Variants in THSD7B observed in about 807,000 individuals in gnomAD.
THSD7B encodes thrombospondin type-1 domain-containing protein 7B.
A neutral mutation model predicts 213.6 loss-of-function variants in THSD7B; 138 were observed. That is an observed-to-expected ratio of 0.65 (90% CI 0.56 to 0.74). THSD7B has a LOEUF of 0.74. Among genes scored for constraint, THSD7B ranks in the 30% least tolerant of loss-of-function variants. The probability of loss-of-function intolerance (pLI) is 0.00; values close to 1 mark genes in which losing one functional copy is unlikely to be tolerated. For missense variants in THSD7B, 1,931 were observed against 1,991.5 expected (o/e 0.97, Z 0.58); for synonymous variants, 742 against 687.0 (o/e 1.08, Z -1.25).
rs528345387 is a variant in THSD7B, at chr2:137,417,851, A to C, written c.2959+5979A>C. Among the ~76,000 whole-genome samples the C allele has an allele frequency of 2.0e-5, 3 of 152,334 alleles. No individual in the cohort carries two copies. The South Asian group carries it at 6.2e-4, about 32-fold the overall frequency. On this transcript the variant is annotated intron_variant, in intron 14 of 27. Coordinates refer to ENST00000409968, the MANE Select transcript of THSD7B (RefSeq NM_001316349.2). ...AAGTCCAGTTCATGGAAGGGACTGA[A>C]TAATTATATTATATCCTCTCTCCCA... is the stretch of plus-strand genomic sequence containing the variant.
intron 7 of THSD7B, among the ~76,000 whole-genome samples, chr2:137,191,830 TTGGTG>T (rs1283818533): frequency 6.6e-6 from 1 of 152,174 alleles, no homozygotes; most frequent in East Asian, 1.9e-4. Context: ...ACCTGTCACT[TTGGTG>T]TGAGCATTTT....
intron 9 of THSD7B, among the ~76,000 whole-genome samples, chr2:137,240,030 T>C (rs952549413): frequency 2.0e-5 from 3 of 152,194 alleles, no homozygotes; most frequent in African/African-American, 7.2e-5. Flanking sequence ...CATGATCTAA[T>C]TATCTCCTAA....
intron 1 of THSD7B, among the ~76,000 whole-genome samples, chr2:136,769,911 C>T (rs999464478): frequency 9.2e-5 from 14 of 152,164 alleles, no homozygotes; most frequent in Non-Finnish European, 1.6e-4. Context: ...TTGATTTTGC[C>T]TTTCTGGGCA....
At chr2:137,155,320 A>G (rs1679892029) in intron 5 of THSD7B, among the ~76,000 whole-genome samples, 1 of 152,182 alleles carries the variant, frequency 6.6e-6, no homozygotes, top group African/African-American at 2.4e-5. Context: ...AGAAGGCTCC[A>G]AGGTGACATG....
chr2:137,518,312 A>G (rs1176121522), intron 15 of THSD7B, among the ~76,000 whole-genome samples: 1 of 152,186 alleles, frequency 6.6e-6, no homozygotes, highest in Non-Finnish European at 1.5e-5. Flanking sequence ...GCCCCTTTCC[A>G]GGACATCCCT....
chr2:137,350,382 G>A lies in THSD7B; in HGVS notation c.2501-55231G>A, dbSNP rs7567508. On this transcript the variant is annotated intron_variant, in intron 12 of 27. Coordinates refer to ENST00000409968, the MANE Select transcript of THSD7B (RefSeq NM_001316349.2). ...TAAAAGTAATGCTATGTGTAAATCCGTGTGTAAGGAAGATGTTAAGTGCAA... is the reference window on the plus strand; with the variant it reads ...TAAAAGTAATGCTATGTGTAAATCCATGTGTAAGGAAGATGTTAAGTGCAA... Among the ~76,000 whole-genome samples the A allele has an allele frequency of 9.8e-3, 1,484 of 151,826 alleles. 25 individuals are homozygous for A. The highest frequency in any genetic ancestry group is 0.034 in the African/African-American group (1,403 of 41,454).
At chr2:137,662,345 A>AGTGCTG (rs1683366945) in intron 25 of THSD7B, among the ~76,000 whole-genome samples, 1 of 150,728 alleles carries the variant, frequency 6.6e-6, no homozygotes, top group African/African-American at 2.4e-5. Context: ...GGCCTCCCAA[A>AGTGCTG]GTGCTGGGAT....
chr2:137,088,255 A>T (rs1017701176), intron 3 of THSD7B, among the ~76,000 whole-genome samples: 14 of 152,028 alleles, frequency 9.2e-5, no homozygotes, highest in African/African-American at 1.4e-4. Context: ...AATAAAAAAA[A>T]AATAAAATTA....
chr2:136,772,057 A>G (rs1573631281), intron 1 of THSD7B, among the ~76,000 whole-genome samples: 1 of 152,092 alleles, frequency 6.6e-6, no homozygotes, highest in Non-Finnish European at 1.5e-5. Flanking sequence ...TGTAATAGGA[A>G]ACAATCTGAG....
intron 10 of THSD7B, among the ~76,000 whole-genome samples, chr2:137,263,381 T>C (rs952224927): frequency 2.0e-5 from 3 of 152,214 alleles, no homozygotes; most frequent in Middle Eastern, 3.4e-3. Context: ...ATTACCCACA[T>C]AGGACAAGTA....
intron 12 of THSD7B, among the ~76,000 whole-genome samples, chr2:137,316,440 G>T (rs969212078): frequency 1.3e-5 from 2 of 152,170 alleles, no homozygotes; most frequent in African/African-American, 4.8e-5. Context: ...AAAGTGATAG[G>T]TTCATACAAG....
intron 6 of THSD7B, among the ~76,000 whole-genome samples, chr2:137,165,163 G>A (rs1030354924): frequency 5.3e-5 from 8 of 152,134 alleles, no homozygotes; most frequent in African/African-American, 1.4e-4. Context: ...AGAATTAGCC[G>A]TTTTTTAATA....
At chr2:137,131,559 A>C (rs28883043) in intron 5 of THSD7B, among the ~76,000 whole-genome samples, 104,988 of 152,026 alleles carry the variant, frequency 0.69, 37,647 homozygotes, top group Non-Finnish European at 0.78. Flanking sequence ...TTTTTGTATA[A>C]GGTGTAAGGA....
At chr2:137,450,369 T>C (rs918163956) in intron 14 of THSD7B, among the ~76,000 whole-genome samples, 1 of 152,224 alleles carries the variant, frequency 6.6e-6, no homozygotes, top group Non-Finnish European at 1.5e-5. Context: ...CCACTCTTCC[T>C]AATCTGTGGT....
intron 7 of THSD7B, among the ~76,000 whole-genome samples, chr2:137,206,476 A>G (rs1043756512): frequency 4.6e-5 from 7 of 152,076 alleles, no homozygotes; most frequent in South Asian, 4.1e-4. Flanking sequence ...GTTACCTGTC[A>G]CATTAGAGTT....
chr2:137,481,539 C>T (rs967862052), intron 15 of THSD7B, among the ~76,000 whole-genome samples: 1 of 152,140 alleles, frequency 6.6e-6, no homozygotes, highest in Non-Finnish European at 1.5e-5. Context: ...CTACAAAGTA[C>T]CAAATAGAAA....
intron 12 of THSD7B, among the ~76,000 whole-genome samples, chr2:137,344,787 G>C (rs1182807778): frequency 6.6e-6 from 1 of 151,618 alleles, no homozygotes; most frequent in Non-Finnish European, 1.5e-5. Context: ...TAAAAGGGTG[G>C]TTAGTCAACA....
chr2:137,546,541 T>C lies in THSD7B; in HGVS notation c.3139-16680T>C, dbSNP rs188679862. Among the ~76,000 whole-genome samples the C allele has an allele frequency of 3.8e-3, 454 of 120,474 alleles. 7 individuals are homozygous for C. Among genetic ancestry groups the C allele is most frequent in the African/African-American group, 0.014 (432 of 31,276 alleles). The allele number at this position is 120,474 out of a possible 152,430, so 79.0% of individuals were successfully genotyped here. Reference sequence around the variant, plus strand: ...AGAGGATAAACCAGGGACAATGGTTTACAAACGTTTTTCTTTCTTTCTCTC... The same window carrying C: ...AGAGGATAAACCAGGGACAATGGTTCACAAACGTTTTTCTTTCTTTCTCTC... On this transcript the variant is annotated intron_variant, in intron 15 of 27. Transcript: ENST00000409968.
chr2:137,284,810 T>A (rs1237396762), intron 12 of THSD7B, among the ~76,000 whole-genome samples: 2 of 152,112 alleles, frequency 1.3e-5, no homozygotes, highest in Admixed American at 1.3e-4. Flanking sequence ...GAGGAGTGCT[T>A]TACTTCTAAC....
Sources: allele counts gnomAD v4.1 joint callset (sites outside exome capture counted in the v4.1 genomes callset), GRCh38; gene constraint gnomAD v4.1.1; transcripts MANE v1.5; gene names NCBI Gene and HGNC (gene_info 2026-07-23, HGNC 2026-07-21).